Variants in MUC13 observed in about 807,000 individuals in gnomAD.
MUC13 encodes mucin-13.
A neutral mutation model predicts 48.3 loss-of-function variants in MUC13; 32 were observed. The ratio of observed to expected loss-of-function variants is 0.66; its 90% CI spans 0.50 to 0.89. MUC13 has a LOEUF of 0.89. MUC13 is among the 40% of genes least tolerant of loss of function. The probability of loss-of-function intolerance (pLI) is 0.00; values close to 1 mark genes in which losing one functional copy is unlikely to be tolerated. For missense variants in MUC13, 571 were observed against 622.8 expected (o/e 0.92, Z 0.88); for synonymous variants, 199 against 224.9 (o/e 0.88, Z 1.03).
At chr3:124,910,853 T>C (rs1935409749) in intron 9 of MUC13, among the ~76,000 whole-genome samples, 2 of 152,170 alleles carry the variant, frequency 1.3e-5, no homozygotes, top group Non-Finnish European at 2.9e-5. Flanking sequence ...TACCTCACCT[T>C]ACTGATAAGC....
intron 6 of MUC13, among the ~76,000 whole-genome samples, chr3:124,915,865 A>G (rs1935504153): frequency 1.3e-5 from 2 of 152,032 alleles, no homozygotes; most frequent in African/African-American, 2.4e-5. Context: ...TTTTGTAGAG[A>G]TGGGATTTTG....
chr3:124,915,851 A>C (rs1025125994), intron 6 of MUC13, among the ~76,000 whole-genome samples: 4 of 152,020 alleles, frequency 2.6e-5, no homozygotes. Context: ...ACACCTGGCT[A>C]ATTTTTTGTA....
intron 6 of MUC13, among the ~76,000 whole-genome samples, chr3:124,914,168 T>C (rs1935471335): frequency 6.6e-6 from 1 of 152,102 alleles, no homozygotes; most frequent in African/African-American, 2.4e-5. Context: ...TCTCAGCACT[T>C]TGGGAGGCCG....
rs1188287890 is a variant in MUC13, at chr3:124,912,126, G to A, written c.1230C>T (p.Tyr410=). Residue 410 remains tyrosine, a synonymous_variant, in exon 9 of 12, where the codon TAC becomes TAT. Coordinates refer to ENST00000616727, the MANE Select transcript of MUC13 (RefSeq NM_033049.4). ...NGNCQKCAFG[Y]SGLDCKDKFQ... ...CACTGTCCTTACAGTCGAGTCCACT[G>A]TAGCCAAATGCACACCTGAAATACA... 1 of 1,613,092 alleles carries A rather than the reference G, an allele frequency of 6.2e-7. No individual in the cohort carries two copies. The highest frequency in any genetic ancestry group is 1.7e-5 in the Admixed American group (1 of 59,890).
rs1298392272 is a variant in MUC13, at chr3:124,934,682, C to A, written c.31G>T (p.Ala11Ser). 1.2e-6 allele frequency: 2 copies of A among 1,609,942 alleles called. No homozygotes were observed. Among genetic ancestry groups the A allele is most frequent in the Non-Finnish European group, 1.7e-6 (2 of 1,176,648 alleles). Residue 11 changes from alanine (A) to serine (S), a missense_variant, in exon 1 of 12, where the codon GCT becomes TCT. Ala to Ser is a moderately conservative substitution (Grantham distance 99). Coordinates refer to ENST00000616727, the MANE Select transcript of MUC13 (RefSeq NM_033049.4). The stretch of plus-strand genomic sequence containing the variant: ...TTACCTGTGTTTACAGAAAGGAGAG[C>A]AAGAAGAGTAAGATGAATGATGGCT... MKAIIHLTLL[A>S]LLSVNTATNQ... is the part of the protein sequence containing the mutation.
chr3:124,928,079 A>C, intron 1 of MUC13, 86 bp from the exon 2 acceptor site: 1 of 884,156 alleles, frequency 1.1e-6, no homozygotes, highest in Non-Finnish European at 1.6e-6. Context: ...TATCCAACTC[A>C]TTCTTTTTTT....
chr3:124,927,050 A>G (rs1014086578), intron 2 of MUC13, among the ~76,000 whole-genome samples: 1 of 152,162 alleles, frequency 6.6e-6, no homozygotes, highest in South Asian at 2.1e-4. Context: ...TCTACCCCTC[A>G]GTCTCAAATT....
Position 124,923,114 on chromosome 3 carries a change from A to AAC in MUC13, c.637+412_637+413insGT, listed in dbSNP as rs1421041000. On this transcript the variant is annotated intron_variant, in intron 3 of 11. Coordinates refer to ENST00000616727, the MANE Select transcript of MUC13 (RefSeq NM_033049.4). ...CATTCATAAAACAGAAAAAAAAAAA[A>AAC]AACAGAACTCAGACAGTCAGCCCTC... 4.0e-4 allele frequency among the ~76,000 whole-genome samples: 60 copies of AAC among 151,666 alleles called. No individual in the cohort carries two copies. The South Asian group carries it at 9.0e-3, about 23-fold the overall frequency.
intron 11 of MUC13, 143 bp downstream of exon 11, chr3:124,908,004 C>A (rs969178287): frequency 5.3e-6 from 2 of 374,516 alleles, no homozygotes; most frequent in Admixed American, 4.9e-5. Context: ...CCTTTTTGAT[C>A]TCTCTCTCTC....
chr3:124,928,170 C>T (rs1255936029), intron 1 of MUC13, among the ~76,000 whole-genome samples, 177 bp from the exon 2 acceptor site: 1 of 151,318 alleles, frequency 6.6e-6, no homozygotes, highest in Non-Finnish European at 1.5e-5. Context: ...CCCTCCTTGG[C>T]CTCCCAAAGT....
intron 9 of MUC13, among the ~76,000 whole-genome samples, chr3:124,911,471 T>A (rs75407265): frequency 0.016 from 2,472 of 152,338 alleles, 26 homozygotes; most frequent in Middle Eastern, 0.034. Flanking sequence ...AAATGGAGAA[T>A]GTCACTCATC....
rs1012218802 is a variant in MUC13, at chr3:124,906,615, A to G, written c.*128T>C. 6.6e-6 allele frequency: 1 copy of G among 152,200 alleles called. No individual in the cohort carries two copies. The highest frequency in any genetic ancestry group is 2.4e-5 in the African/African-American group (1 of 41,432). 9.4% of individuals were successfully genotyped at this position (152,200 alleles called of 1,614,324 possible). A position where few individuals can be genotyped will look rare whatever the true frequency, so the allele number is the denominator to read the frequency against. On this transcript the variant is annotated 3_prime_UTR_variant, in exon 12 of 12. Coordinates refer to ENST00000616727, the MANE Select transcript of MUC13 (RefSeq NM_033049.4). ...CCATTCAGAGAGGCTGGCAGATGTC[A>G]GATGGAAGAAAAACCCCGGAGGCCA...
chr3:124,925,997 T>G lies in MUC13; in HGVS notation c.514+1535A>C, dbSNP rs12486251. The stretch of plus-strand genomic sequence containing the variant: ...TAGTTCAGTATCTTATAAACAAAAA[T>G]AAGCGTCACCCCTCTGACAAAGTAT... On this transcript the variant is annotated intron_variant, in intron 2 of 11. Coordinates refer to ENST00000616727, the MANE Select transcript of MUC13 (RefSeq NM_033049.4). Among the ~76,000 whole-genome samples the G allele has an allele frequency of 3.3e-5, 5 of 152,182 alleles. No individual in the cohort carries two copies. The South Asian group carries it at 8.3e-4, about 25-fold the overall frequency.
intron 5 of MUC13, among the ~76,000 whole-genome samples, chr3:124,917,033 G>A (rs947735993): frequency 2.6e-5 from 4 of 152,024 alleles, no homozygotes; most frequent in African/African-American, 9.7e-5. Flanking sequence ...CGACCCAGAG[G>A]AGAACTGAAA....
At chr3:124,917,359 T>G (rs551228636) in intron 5 of MUC13, among the ~76,000 whole-genome samples, 203 of 151,748 alleles carry the variant, frequency 1.3e-3, no homozygotes, top group African/African-American at 4.5e-3. Context: ...GACATTTTTT[T>G]TTTTTTGAGA....
At chr3:124,920,155 G>T in intron 5 of MUC13, 79 bp downstream of exon 5, 1 of 1,232,412 alleles carries the variant, frequency 8.1e-7, no homozygotes, top group Non-Finnish European at 1.2e-6. Context: ...GGGCCTTAAT[G>T]TTACATGCAG....
rs1935639814 is a variant in MUC13 at position 124,923,637 on chromosome 3, G to A, written c.527C>T (p.Pro176Leu). Residue 176 changes from proline to leucine, a missense_variant, in exon 3 of 12, where the codon CCT (proline) becomes CTT (leucine). Coordinates refer to ENST00000616727, the MANE Select transcript of MUC13 (RefSeq NM_033049.4). ...STLNSTGPSN[P>L]CQDDPCADNS... The stretch of plus-strand genomic sequence containing the variant: ...ATCTGCACAGGGATCATCTTGGCAA[G>A]GATTGCTGGGACCTTAGATGGAGTA... 2 of 1,613,174 alleles carry A rather than the reference G, an allele frequency of 1.2e-6. No individual in the cohort carries two copies. Among genetic ancestry groups the A allele is most frequent in the Non-Finnish European group, 8.5e-7 (1 of 1,179,760 alleles).
chr3:124,930,525 T>C (rs566914289), intron 1 of MUC13, among the ~76,000 whole-genome samples: 1 of 152,182 alleles, frequency 6.6e-6, no homozygotes, highest in African/African-American at 2.4e-5. Flanking sequence ...AATCTATAGA[T>C]AACAGAAATA....
intron 9 of MUC13, among the ~76,000 whole-genome samples, chr3:124,911,711 G>C (rs1407337955): frequency 6.6e-6 from 1 of 152,190 alleles, no homozygotes. Flanking sequence ...GTATTTAAAT[G>C]TCTGGTTTCT....
Sources: allele counts gnomAD v4.1 joint callset (sites outside exome capture counted in the v4.1 genomes callset), GRCh38; gene constraint gnomAD v4.1.1; transcripts MANE v1.5; gene names NCBI Gene and HGNC (gene_info 2026-07-23, HGNC 2026-07-21).